The following PHACTR2 variants were observed in gnomAD, a reference collection of about 807,000 sequenced individuals.
The protein encoded by PHACTR2 is chromosome 6 open reading frame 56.
A neutral mutation model predicts 76.0 loss-of-function variants in PHACTR2; 30 were observed. The observed-to-expected ratio is 0.39, with a 90% confidence interval of 0.30 to 0.54. PHACTR2 has a LOEUF of 0.54. Among genes scored for constraint, PHACTR2 ranks in the 20% least tolerant of loss-of-function variants. The pLI, the probability that PHACTR2 is intolerant of heterozygous loss-of-function variation, is 0.61. For synonymous variants in PHACTR2, 292 were observed against 292.5 expected (o/e 1.00, Z 0.02); for missense variants, 696 against 781.1 (o/e 0.89, Z 1.30).
Position 143,772,217 on chromosome 6 carries a change from C to G in PHACTR2, c.1233-41C>G, listed in dbSNP as rs200195180. 1.4e-6 allele frequency: 2 copies of G among 1,476,420 alleles called. No homozygotes were observed. The highest frequency in any genetic ancestry group is 1.9e-6 in the Non-Finnish European group (2 of 1,055,060). 91.5% of individuals were successfully genotyped at this position (1,476,420 alleles called of 1,614,324 possible). A position where few individuals can be genotyped will look rare whatever the true frequency, so the allele number is the denominator to read the frequency against. ...AGTGTCAGTGCCGCCAAGGGTTGCT[C>G]TGAGCTTCACATCACTCCCATGCTT... On this transcript the variant is annotated intron_variant, in intron 6 of 12. Coordinates refer to ENST00000440869, the MANE Select transcript of PHACTR2 (RefSeq NM_001100164.2). The surrounding 1 kb of genome is among the most constrained non-coding windows in gnomAD (Gnocchi z 5.4).
chr6:143,567,260 A>G (rs1260487708), intron 1 of PHACTR2, among the ~76,000 whole-genome samples: 5 of 152,158 alleles, frequency 3.3e-5, no homozygotes, highest in African/African-American at 4.8e-5. Context: ...AAAAATTTAG[A>G]TACGCAGCAA....
chr6:143,682,569 A>G (rs12528456), intron 1 of PHACTR2, among the ~76,000 whole-genome samples: 24,758 of 152,166 alleles, frequency 0.16, 2,155 homozygotes, highest in East Asian at 0.35. Flanking sequence ...ATGATTTTCT[A>G]TATACATGAT....
intron 9 of PHACTR2, among the ~76,000 whole-genome samples, chr6:143,781,172 C>A (rs1775419870): frequency 6.6e-6 from 1 of 152,174 alleles, no homozygotes; most frequent in African/African-American, 2.4e-5. Context: ...TACCTCTCAC[C>A]CTCGTCCTCT....
intron 3 of PHACTR2, among the ~76,000 whole-genome samples, chr6:143,749,446 T>C (rs1779139151): frequency 6.6e-6 from 1 of 152,208 alleles, no homozygotes; most frequent in Non-Finnish European, 1.5e-5. Context: ...GCTTGGTTCA[T>C]GCTATTTTGT....
Position 143,543,628 on chromosome 6 carries a change from G to T in PHACTR2, c.217+6421G>T, listed in dbSNP as rs1325976088. 2.0e-5 allele frequency among the ~76,000 whole-genome samples: 3 copies of T among 152,178 alleles called. No homozygotes were observed. The highest frequency in any genetic ancestry group is 4.4e-5 in the Non-Finnish European group (3 of 68,038). ...TGGAGTTGGGTTGGGGAGGAAGAGT[G>T]TTTGGGGATGGGAAACAGTACATGT... On this transcript the variant is annotated intron_variant, in intron 1 of 11. Transcript: ENST00000367584. This position sits in a 1 kb window ranked among gnomAD's most constrained non-coding sequence, Gnocchi z 4.7.
At chr6:143,796,488 T>A (rs1382031156) in intron 11 of PHACTR2, among the ~76,000 whole-genome samples, 4 of 152,086 alleles carry the variant, frequency 2.6e-5, no homozygotes, top group Non-Finnish European at 5.9e-5. Context: ...GGTATACACG[T>A]GCCATGGTGG....
Position 143,633,590 on chromosome 6 carries a change from C to T in PHACTR2, c.13+25268C>T, listed in dbSNP as rs1776400984. On this transcript the variant is annotated intron_variant, in intron 1 of 11. Transcript: ENST00000305766. This position sits in a 1 kb window ranked among gnomAD's most constrained non-coding sequence, Gnocchi z 4.1. ...GCAAGTAGTTTTTCCCAGTCTGTGG[C>T]TTGTCTTCTCATTATCTTGACATTG... Among the ~76,000 whole-genome samples, 1 of 152,144 alleles carries T rather than the reference C, an allele frequency of 6.6e-6. No homozygotes were observed. Among genetic ancestry groups the T allele is most frequent in the Non-Finnish European group, 1.5e-5 (1 of 68,024 alleles).
In PHACTR2 at chr6:143,649,502, G is replaced by A. The variant is rs577642935; in HGVS notation, c.13+41180G>A. Among the ~76,000 whole-genome samples the A allele has an allele frequency of 2.0e-5, 3 of 152,260 alleles. No individual in the cohort carries two copies. The South Asian group carries it at 6.2e-4, about 32-fold the overall frequency. ...CAAAAAGCTTATTCACCATGATTCA[G>A]TAGGCTTCATCCTCAGGATGCAAGG... On this transcript the variant is annotated intron_variant, in intron 1 of 11. Transcript: ENST00000305766.
intron 1 of PHACTR2, among the ~76,000 whole-genome samples, chr6:143,693,722 A>G (rs1777704199): frequency 6.6e-6 from 1 of 152,170 alleles, no homozygotes; most frequent in Non-Finnish European, 1.5e-5. Flanking sequence ...CAACAGTGCC[A>G]TATTCATATT....
In PHACTR2 at chr6:143,537,017, G is replaced by A. The variant is rs535383767; in HGVS notation, c.27G>A (p.Ala9=). The stretch of plus-strand genomic sequence containing the variant: ...TGGCCGAGGCGGGCTGGCGCCCCGC[G>A]GCGTCCCCGGTCGATCCGGCCGGGC... The change falls in exon 1 of 12, where the codon GCG becomes GCA. Residue 9 remains alanine, a synonymous_variant. Coordinates refer to the PHACTR2 transcript ENST00000367584. The surrounding 1 kb of genome is among the most constrained non-coding windows in gnomAD (Gnocchi z 4.4). 6.2e-3 allele frequency: 1,035 copies of A among 167,348 alleles called. 14 individuals carry two copies. The highest frequency in any genetic ancestry group is 0.02 in the African/African-American group (841 of 41,392). The allele number at this position is 167,348 out of a possible 1,614,324, so 10.4% of individuals were successfully genotyped here. A position where few individuals can be genotyped will look rare whatever the true frequency, so the allele number is the denominator to read the frequency against.
At chr6:143,802,300 C>T (rs1257657039) in intron 11 of PHACTR2, among the ~76,000 whole-genome samples, 1 of 151,996 alleles carries the variant, frequency 6.6e-6, no homozygotes, top group Non-Finnish European at 1.5e-5. Flanking sequence ...AGCTCTGATC[C>T]CCCATAACCT....
At chr6:143,721,017 A>G (rs1334741960) in intron 2 of PHACTR2, among the ~76,000 whole-genome samples, 1 of 152,188 alleles carries the variant, frequency 6.6e-6, no homozygotes, top group African/African-American at 2.4e-5. Flanking sequence ...TAACTCTATA[A>G]TATAAGCATT....
upstream of PHACTR2, among the ~76,000 whole-genome samples, chr6:143,607,517 A>G (rs538356620): frequency 6.6e-6 from 1 of 152,334 alleles, no homozygotes; most frequent in South Asian, 2.1e-4. Context: ...GGACTGTAGA[A>G]TCCCCTAACC....
chr6:143,732,995 T>A (rs1778736767), intron 2 of PHACTR2, among the ~76,000 whole-genome samples: 1 of 152,084 alleles, frequency 6.6e-6, no homozygotes, highest in South Asian at 2.1e-4. Flanking sequence ...CTCAAAGCAA[T>A]CCTCCTGCCT....
At chr6:143,582,389 A>G (rs2128433244) in intron 1 of PHACTR2, among the ~76,000 whole-genome samples, 1 of 152,260 alleles carries the variant, frequency 6.6e-6, no homozygotes, top group East Asian at 1.9e-4. Flanking sequence ...GACAAGCAGG[A>G]TACCAGGAAG....
chr6:143,699,144 C>T (rs1777840272), intron 1 of PHACTR2, among the ~76,000 whole-genome samples: 1 of 152,170 alleles, frequency 6.6e-6, no homozygotes, highest in South Asian at 2.1e-4. Flanking sequence ...GTCATTTCCT[C>T]ATATTCACTG....
At chr6:143,727,109 C>T (rs1005549262) in intron 2 of PHACTR2, among the ~76,000 whole-genome samples, 1 of 152,102 alleles carries the variant, frequency 6.6e-6, no homozygotes, top group African/African-American at 2.4e-5. Context: ...CCCACTGACA[C>T]CCACACACCC....
chr6:143,641,545 T>A lies in PHACTR2; in HGVS notation c.13+33223T>A, dbSNP rs1776561540. On this transcript the variant is annotated intron_variant, in intron 1 of 11. Transcript: ENST00000305766. The surrounding 1 kb of genome is among the most constrained non-coding windows in gnomAD (Gnocchi z 5.8). The stretch of plus-strand genomic sequence containing the variant: ...TTTTGAGACAGAGTTTCGCTCTTGT[T>A]ACCCAGGCTGGAGTACAATGGCATG... Among the ~76,000 whole-genome samples, 1 of 152,186 alleles carries A rather than the reference T, an allele frequency of 6.6e-6. No individual in the cohort carries two copies. Among genetic ancestry groups the A allele is most frequent in the Non-Finnish European group, 1.5e-5 (1 of 68,022 alleles).
intron 1 of PHACTR2, among the ~76,000 whole-genome samples, chr6:143,637,984 G>GA (rs1434882117): frequency 1.6e-4 from 25 of 152,148 alleles, no homozygotes; most frequent in Non-Finnish European, 3.5e-4. Flanking sequence ...ATCATGGGGG[G>GA]ATCATCTAAG....
Sources: allele counts gnomAD v4.1 joint callset (sites outside exome capture counted in the v4.1 genomes callset), GRCh38; gene constraint gnomAD v4.1.1; non-coding constraint Gnocchi (gnomAD v3.1); transcripts MANE v1.5; gene names NCBI Gene and HGNC (gene_info 2026-07-23, HGNC 2026-07-21).